The following PLVAP variants were observed in gnomAD, a reference collection of about 807,000 sequenced individuals.
PLVAP encodes plasmalemma vesicle-associated protein.
A neutral mutation model predicts 43.1 loss-of-function variants in PLVAP; 34 were observed. The ratio of observed to expected loss-of-function variants is 0.79; its 90% CI spans 0.60 to 1.05. The LOEUF (loss-of-function observed/expected upper bound fraction) is 1.05. Among genes scored for constraint, PLVAP ranks in the 50% least tolerant of loss-of-function variants. The probability of loss-of-function intolerance (pLI) is 0.00; values close to 1 mark genes in which losing one functional copy is unlikely to be tolerated. For synonymous variants in PLVAP, 241 were observed against 237.3 expected (o/e 1.02, Z -0.14); for missense variants, 574 against 593.4 (o/e 0.97, Z 0.34).
Position 17,365,877 on chromosome 19 carries a change from C to A in PLVAP, c.588G>T (p.Gln196His), listed in dbSNP as rs367726351. Residue 196 changes from glutamine to histidine, a missense_variant, in exon 3 of 6, where the codon CAG becomes CAT. Coordinates refer to ENST00000252590, the MANE Select transcript of PLVAP (RefSeq NM_031310.3). Reference sequence around the variant, plus strand: ...CCCGGGTTTTCACGCATTCAACCAGCTGTTCCTCCGCCACGCGTTTGTTCA... The same window carrying A: ...CCCGGGTTTTCACGCATTCAACCAGATGTTCCTCCGCCACGCGTTTGTTCA... ...VLLNKRVAEE[Q>H]LVECVKTREL... 63 of 1,613,972 alleles carry A rather than the reference C, an allele frequency of 3.9e-5. No individual in the cohort carries two copies. The highest frequency in any genetic ancestry group is 5.0e-5 in the Non-Finnish European group (59 of 1,180,040).
intron 5 of PLVAP, among the ~76,000 whole-genome samples, chr19:17,356,588 C>T (rs2074507621): frequency 1.3e-5 from 2 of 152,208 alleles, no homozygotes; most frequent in Admixed American, 6.5e-5. Flanking sequence ...ATTCATCCTC[C>T]TCAGCCTCCC....
intron 5 of PLVAP, among the ~76,000 whole-genome samples, chr19:17,354,446 A>G (rs1021743267): frequency 6.6e-6 from 1 of 151,760 alleles, no homozygotes; most frequent in African/African-American, 2.4e-5. Flanking sequence ...AAAATACAAA[A>G]ATTAGCCGGG....
rs769912880 is a variant in PLVAP at position 17,365,466 on chromosome 19, C to A, written c.999G>T (p.Glu333Asp). The change falls in exon 3 of 6, where the codon GAG becomes GAT. Residue 333 changes from glutamate (E) to aspartate (D), a missense_variant. Transcript: ENST00000252590. Reference sequence around the variant, plus strand: ...GGGAGCATTCAGCTTGGAGCTTGGCCTCCCGGGCCTGAGCCTCCTTCTCCA... The same window carrying A: ...GGGAGCATTCAGCTTGGAGCTTGGCATCCCGGGCCTGAGCCTCCTTCTCCA... ...QKVEKEAQAREAKLQAECSRQ... is the reference protein window; with the variant it reads ...QKVEKEAQARDAKLQAECSRQ... 15 of 1,612,734 alleles carry A rather than the reference C, an allele frequency of 9.3e-6. No individual in the cohort carries two copies. The highest frequency in any genetic ancestry group is 1.7e-5 in the Admixed American group (1 of 60,012).
chr19:17,360,921 T>C (rs2074526006), intron 3 of PLVAP, 89 bp from the exon 4 acceptor site: 4 of 1,245,410 alleles, frequency 3.2e-6, no homozygotes, highest in Admixed American at 2.5e-5. Context: ...TTTCTTTTTT[T>C]TTTTTTTTTT....
At chr19:17,367,760 C>T (rs1463312030) in intron 1 of PLVAP, among the ~76,000 whole-genome samples, 1 of 152,164 alleles carries the variant, frequency 6.6e-6, no homozygotes, top group African/African-American at 2.4e-5. Context: ...CCATCAGCCT[C>T]CCAAATTGCT....
chr19:17,366,759 G>A (rs1247117441), intron 1 of PLVAP, among the ~76,000 whole-genome samples: 1 of 151,214 alleles, frequency 6.6e-6, no homozygotes, highest in East Asian at 1.9e-4. Flanking sequence ...AGCCTCCCAA[G>A]CAGCTGAGAT....
intron 3 of PLVAP, among the ~76,000 whole-genome samples, chr19:17,361,346 G>C (rs2074527742): frequency 1.3e-5 from 2 of 152,126 alleles, no homozygotes; most frequent in Admixed American, 1.3e-4. Context: ...CAAGACTTGG[G>C]GACACCACAA....
rs575650549 is a variant in PLVAP at position 17,361,035 on chromosome 19, C to T, written c.1180-203G>A. The T allele has an allele frequency of 9.2e-6, 5 of 545,910 alleles. No individual in the cohort carries two copies. In the African/African-American group the frequency reaches 9.6e-5, roughly 10 times the overall value. The allele number at this position is 545,910 out of a possible 1,614,324, so 33.8% of individuals were successfully genotyped here. On this transcript the variant is annotated intron_variant, in intron 3 of 5. Transcript: ENST00000252590. Reference sequence around the variant, plus strand: ...GTTCAAGCGATTCTCCTGCCTAAGCCTCCTGGGTAGCTGGGACTACAGTCA... The same window carrying T: ...GTTCAAGCGATTCTCCTGCCTAAGCTTCCTGGGTAGCTGGGACTACAGTCA...
intron 1 of PLVAP, among the ~76,000 whole-genome samples, chr19:17,375,880 CAAA>C (rs35375080): frequency 3.8e-5 from 5 of 132,808 alleles, no homozygotes; most frequent in Admixed American, 7.6e-5. Context: ...GACTCCGTCT[CAAA>C]AAAAAAAAAA....
At chr19:17,375,496 G>C (rs956104569) in intron 1 of PLVAP, among the ~76,000 whole-genome samples, 1 of 152,100 alleles carries the variant, frequency 6.6e-6, no homozygotes, top group East Asian at 1.9e-4. Context: ...GGTGGCTCAT[G>C]CCTGTAATCT....
In PLVAP at chr19:17,365,959, T is replaced by C. The variant is rs937838948; in HGVS notation, c.506A>G (p.Glu169Gly). The C allele has an allele frequency of 1.2e-6, 2 of 1,613,862 alleles. No individual in the cohort carries two copies. Among genetic ancestry groups the C allele is most frequent in the Non-Finnish European group, 1.7e-6 (2 of 1,179,902 alleles). Reference sequence around the variant, plus strand: ...GGTCTTCTCCTTGGCTATCTCCACCTCCAGCGTCTTCACCTTCTGATTCAG... The same window carrying C: ...GGTCTTCTCCTTGGCTATCTCCACCCCCAGCGTCTTCACCTTCTGATTCAG... The part of the protein sequence containing the change: ...FMLNQKVKTL[E>G]VEIAKEKTIC... Residue 169 changes from glutamate to glycine, a missense_variant, in exon 3 of 6, where the codon GAG (glutamate) becomes GGG (glycine). Physicochemically the swap from Glu to Gly is moderately conservative, Grantham distance 98. Transcript: ENST00000252590.
intron 5 of PLVAP, among the ~76,000 whole-genome samples, chr19:17,355,101 G>A (rs1170006578): frequency 6.7e-6 from 1 of 148,740 alleles, no homozygotes; most frequent in Admixed American, 6.7e-5. Flanking sequence ...GCGGGCACCT[G>A]TAATCCCAGC....
intron 5 of PLVAP, 138 bp downstream of exon 5, chr19:17,360,390 A>T: frequency 2.3e-6 from 2 of 872,206 alleles, no homozygotes; most frequent in Non-Finnish European, 3.7e-6. Flanking sequence ...ACGCCCAACC[A>T]TACATGACCT....
rs751697407 is a variant in PLVAP at position 17,365,871 on chromosome 19, A to G, written c.594T>C (p.Val198=). The change falls in exon 3 of 6, where the codon GTT becomes GTC. Residue 198 remains valine (V), a synonymous_variant. Coordinates refer to ENST00000252590, the MANE Select transcript of PLVAP (RefSeq NM_031310.3). ...LNKRVAEEQL[V]ECVKTRELQH... is the part of the protein sequence containing the mutation. ...GCAGCTCCCGGGTTTTCACGCATTCAACCAGCTGTTCCTCCGCCACGCGTT... is the reference window on the plus strand; with the variant it reads ...GCAGCTCCCGGGTTTTCACGCATTCGACCAGCTGTTCCTCCGCCACGCGTT... The G allele has an allele frequency of 1.9e-6, 3 of 1,614,010 alleles. No homozygotes were observed. In the East Asian group the frequency reaches 6.7e-5, roughly 36 times the overall value.
chr19:17,363,245 C>CCT (rs1322998847), intron 3 of PLVAP, among the ~76,000 whole-genome samples: 1 of 152,100 alleles, frequency 6.6e-6, no homozygotes, highest in Non-Finnish European at 1.5e-5. Context: ...CTCGCTGCAA[C>CCT]CTCTGCCTCC....
chr19:17,361,402 GCCC>G (rs2074527928), intron 3 of PLVAP, among the ~76,000 whole-genome samples: 1 of 152,062 alleles, frequency 6.6e-6, no homozygotes, highest in Non-Finnish European at 1.5e-5. Flanking sequence ...CAGTCCTGAG[GCCC>G]CATGCTGCAG....
At chr19:17,371,035 G>A (rs925619035) in intron 1 of PLVAP, among the ~76,000 whole-genome samples, 7 of 149,714 alleles carry the variant, frequency 4.7e-5, no homozygotes, top group Non-Finnish European at 7.4e-5. Context: ...CAGCCTGGGC[G>A]ACAGAGCGAG....
chr19:17,353,246 A>C (rs2145716242), intron 5 of PLVAP, among the ~76,000 whole-genome samples: 1 of 152,048 alleles, frequency 6.6e-6, no homozygotes, highest in Admixed American at 6.6e-5. Flanking sequence ...TCCATCCTCA[A>C]CCAGCATTTA....
intron 1 of PLVAP, among the ~76,000 whole-genome samples, chr19:17,372,849 T>G (rs1276269090): frequency 1.4e-5 from 2 of 145,568 alleles, no homozygotes; most frequent in East Asian, 4.5e-4. Context: ...GATCACGAGG[T>G]CAGGAAATTG....
Sources: gnomAD v4.1 joint callset for allele counts (sites outside exome capture counted in the v4.1 genomes callset) on GRCh38, gnomAD v4.1.1 for gene constraint, MANE v1.5 for transcripts, NCBI Gene and HGNC (gene_info 2026-07-23, HGNC 2026-07-21) for gene names.